Variants in GATA1 observed in about 807,000 individuals in gnomAD.
The protein encoded by GATA1 is erythroid transcription factor.
In GATA1, 2 loss-of-function variants were observed where a neutral mutation model predicts 18.9. That is an observed-to-expected ratio of 0.11 (90% CI 0.04 to 0.33). The LOEUF (loss-of-function observed/expected upper bound fraction) is 0.33. GATA1 is among the 10% of genes least tolerant of loss of function. The probability of loss-of-function intolerance (pLI) is 1.00; values close to 1 mark genes in which losing one functional copy is unlikely to be tolerated. For missense variants in GATA1, 272 were observed against 344.7 expected, an observed-to-expected ratio of 0.79 and a Z score of 1.67; for synonymous variants, 152 against 149.1, an observed-to-expected ratio of 1.02 and a Z score of -0.14.
intron 1 of GATA1, among the ~76,000 whole-genome samples, chrX:48,788,228 CAG>C (rs1557019492): frequency 2.8e-5 from 3 of 108,625 alleles, no homozygotes; most frequent in Middle Eastern, 4.7e-3. Flanking sequence ...GAGGGAGAAA[CAG>C]GGAGAGATGG....
rs1243943751 is a variant in GATA1 at position 48,788,885 on chromosome X, G to C, written c.-19-2206G>C. ...ACAGACAAACAAGCAGGAAGAGTGG[G>C]AGAGATGCAGAGATGTTCAGAGAGA... On this transcript the variant is annotated intron_variant, in intron 1 of 5. Transcript: ENST00000376670. 3.6e-5 allele frequency among the ~76,000 whole-genome samples: 4 copies of C among 111,298 alleles called. No homozygotes were observed. The East Asian group carries it at 8.5e-4, about 24-fold the overall frequency.
chrX:48,791,173 G>A lies in GATA1; in HGVS notation c.64G>A (p.Ala22Thr), dbSNP rs782188059. The change falls in exon 2 of 6, where the codon GCT (alanine) becomes ACT (threonine). Residue 22 changes from alanine (A) to threonine (T), a missense_variant. Ala to Thr is a moderately conservative substitution (Grantham distance 58). Transcript: ENST00000376670. ...SEPLPQFVDP[A>T]LVSSTPESGV... ...GCCCCTCCCCCAGTTTGTGGATCCT[G>A]CTCTGGTGTCCTCCACACCAGAATC... The A allele has an allele frequency of 5.8e-6, 7 of 1,208,535 alleles. No homozygotes were observed. The highest frequency in any genetic ancestry group is 2.2e-6 in the Non-Finnish European group (2 of 893,738).
At chrX:48,793,388 C>A in intron 5 of GATA1, 91 bp downstream of exon 5, 1 of 926,166 alleles carries the variant, frequency 1.1e-6, no homozygotes, top group Non-Finnish European at 1.5e-6. Context: ...CCTCTCTCTT[C>A]CCCCACAACC....
chrX:48,793,899 C>A lies in GATA1; in HGVS notation c.977C>A (p.Ala326Glu). The change falls in exon 6 of 6, where the codon GCA becomes GAA. Residue 326 changes from alanine (A) to glutamate (E), a missense_variant. Around this residue, in one of 3 missense-constraint regions of GATA1, gnomAD observed 83 missense variants for 84.2 expected, o/e 0.99. Transcript: ENST00000376670. ...GGCTCCAGTCTGGGAGGCACAGGAG[C>A]AGCCGAAGGACCAGCTGGTGGCTTT... ...KRGSSLGGTGAAEGPAGGFMV... is the reference protein window; with the variant it reads ...KRGSSLGGTGEAEGPAGGFMV... 8.3e-7 allele frequency: 1 copy of A among 1,207,070 alleles called. No homozygotes were observed. The highest frequency in any genetic ancestry group is 1.1e-6 in the Non-Finnish European group (1 of 892,865).
rs2062682851 is a variant in GATA1, at chrX:48,794,008, T to C, written c.1086T>C (p.His362=). Residue 362 remains histidine (H), a synonymous_variant, in exon 6 of 6, where the codon CAT becomes CAC. Transcript: ENST00000376670. ...GLTLGPPGTA[H]LYQGLGPVVL... ...CACTGGGCCCCCCAGGTACTGCCCA[T>C]CTCTACCAAGGCCTGGGCCCTGTGG... is the stretch of plus-strand genomic sequence containing the variant. 2.5e-6 allele frequency: 3 copies of C among 1,209,365 alleles called. No individual in the cohort carries two copies. The highest frequency in any genetic ancestry group is 3.4e-6 in the Non-Finnish European group (3 of 894,648).
chrX:48,793,399 C>T, intron 5 of GATA1, 102 bp downstream of exon 5: 1 of 840,677 alleles, frequency 1.2e-6, no homozygotes, highest in South Asian at 2.2e-5. Flanking sequence ...CCCCACAACC[C>T]TCTTTCCTCT....
At position 48,792,005 on chromosome X, in the gene GATA1, G is replaced by C. The variant is rs2147306384; in HGVS notation, c.382G>C (p.Gly128Arg). 2 of 1,211,994 alleles carry C rather than the reference G, an allele frequency of 1.7e-6. No individual in the cohort carries two copies. Among genetic ancestry groups the C allele is most frequent in the Non-Finnish European group, 2.2e-6 (2 of 895,529 alleles). Residue 128 changes from glycine to arginine, a missense_variant, in exon 3 of 6, where the codon GGC (glycine) becomes CGC (arginine). Gly to Arg is a moderately radical substitution (Grantham distance 125). Around this residue, in one of 3 missense-constraint regions of GATA1, gnomAD observed 147 missense variants for 157.4 expected, o/e 0.93. Transcript: ENST00000376670. The part of the protein sequence containing the change: ...PQAVEDLDGK[G>R]STSFLETLKT... ...GGCCGTGGAAGATCTGGATGGAAAA[G>C]GCAGCACCAGCTTCCTGGAGACTTT...
At chrX:48,791,070 G>C (rs1270599266) in intron 1 of GATA1, 21 bp from the exon 2 acceptor site, 1 of 1,086,827 alleles carries the variant, frequency 9.2e-7, no homozygotes, top group Non-Finnish European at 1.3e-6. Context: ...CTGTGTCTGA[G>C]GACCCCTTCT....
chrX:48,791,478 T>A, intron 2 of GATA1, 149 bp downstream of exon 2: 1 of 588,992 alleles, frequency 1.7e-6, no homozygotes, highest in Non-Finnish European at 2.8e-6. Flanking sequence ...TTTCCCTAGT[T>A]AAGTGCAGAC....
intron 1 of GATA1, among the ~76,000 whole-genome samples, chrX:48,789,690 A>G (rs1557019693): frequency 9.1e-6 from 1 of 109,565 alleles, no homozygotes; most frequent in African/African-American, 3.3e-5. Context: ...GGTGATTTCA[A>G]AAGTTGGGCG....
intron 3 of GATA1, 26 bp from the exon 4 acceptor site, chrX:48,792,297 C>T: frequency 8.3e-7 from 1 of 1,211,743 alleles, no homozygotes; most frequent in African/African-American, 1.7e-5. Flanking sequence ...GAGCCTAGCT[C>T]CCTCTTCTCC....
In GATA1 at chrX:48,791,465, C is replaced by A. The variant is rs191928344; in HGVS notation, c.220+136C>A. On this transcript the variant is annotated intron_variant, in intron 2 of 5. Coordinates refer to ENST00000376670, the MANE Select transcript of GATA1 (RefSeq NM_002049.4). ...AAGCTTCTCAAATGGATGTGCCGAC[C>A]ACTTTCCCTAGTTAAGTGCAGACCT... 50 of 623,710 alleles carry A rather than the reference C, an allele frequency of 8.0e-5. No individual in the cohort carries two copies. The Admixed American group carries it at 9.8e-4, about 12-fold the overall frequency. The allele number at this position is 623,710 out of a possible 1,213,427, so 51.4% of individuals were successfully genotyped here. A position where few individuals can be genotyped will look rare whatever the true frequency, so the allele number is the denominator to read the frequency against.
intron 1 of GATA1, 102 bp from the exon 2 acceptor site, chrX:48,790,989 A>C (rs1445561721): frequency 2.0e-6 from 1 of 509,287 alleles, no homozygotes; most frequent in Non-Finnish European, 3.3e-6. Flanking sequence ...ATGGAGACTG[A>C]GGTGATGGAG....
chrX:48,794,204 T>C lies in GATA1; in HGVS notation c.*40T>C, dbSNP rs1192434591. 2.5e-5 allele frequency: 30 copies of C among 1,191,844 alleles called. No homozygotes were observed. The East Asian group carries it at 5.1e-4, about 20-fold the overall frequency. ...GCCTCCAGAGGAGGGGTGGTGTCCT[T>C]CTCCTCTTGTAGCCAGAATTCTGGA... On this transcript the variant is annotated 3_prime_UTR_variant, in exon 6 of 6. Coordinates refer to ENST00000376670, the MANE Select transcript of GATA1 (RefSeq NM_002049.4).
chrX:48,794,299 C>A lies in GATA1; in HGVS notation c.*135C>A, dbSNP rs1557020708. On this transcript the variant is annotated 3_prime_UTR_variant, in exon 6 of 6. Transcript: ENST00000376670. Reference sequence around the variant, plus strand: ...CAAAGCTTTTGTAAAATAAAACCACCAAAGTCCTGAAATTGTGGGTGTGTC... The same window carrying A: ...CAAAGCTTTTGTAAAATAAAACCACAAAAGTCCTGAAATTGTGGGTGTGTC... 1.3e-6 allele frequency: 1 copy of A among 763,415 alleles called. No homozygotes were observed. The highest frequency in any genetic ancestry group is 1.9e-6 in the Non-Finnish European group (1 of 529,662). 62.9% of individuals were successfully genotyped at this position (763,415 alleles called of 1,213,427 possible).
intron 1 of GATA1, among the ~76,000 whole-genome samples, chrX:48,787,248 C>T (rs2062661141): frequency 1.8e-5 from 2 of 111,096 alleles, no homozygotes; most frequent in Admixed American, 1.9e-4. Flanking sequence ...CTCCCAACTC[C>T]CTGCCTGCTC....
rs1557020056 is a variant in GATA1 at position 48,791,285 on chromosome X, C to T, written c.176C>T (p.Ala59Val). 8.3e-7 allele frequency: 1 copy of T among 1,206,841 alleles called. No individual in the cohort carries two copies. The highest frequency in any genetic ancestry group is 1.1e-6 in the Non-Finnish European group (1 of 893,161). The change falls in exon 2 of 6, where the codon GCA becomes GTA. Residue 59 changes from alanine (A) to valine (V), a missense_variant. Ala to Val is a moderately conservative substitution (Grantham distance 64, BLOSUM62 0). This residue lies in a region of GATA1 where 147 missense variants were observed against 157.4 expected (regional missense o/e 0.93). Transcript: ENST00000376670. ...APSTATAAAA[A>V]LAYYRDAEAY... The stretch of plus-strand genomic sequence containing the variant: ...AGCACAGCCACCGCTGCAGCTGCGG[C>T]ACTGGCCTACTACAGGGACGCTGAG...
chrX:48,789,344 G>A lies in GATA1; in HGVS notation c.-19-1747G>A, dbSNP rs181230880. On this transcript the variant is annotated intron_variant, in intron 1 of 5. Coordinates refer to ENST00000376670, the MANE Select transcript of GATA1 (RefSeq NM_002049.4). ...AAAAGAAAAAGAAAAAGCACAGAAGGAGAAGACAAGCTATATCATAGAAAC... is the reference window on the plus strand; with the variant it reads ...AAAAGAAAAAGAAAAAGCACAGAAGAAGAAGACAAGCTATATCATAGAAAC... Among the ~76,000 whole-genome samples the A allele has an allele frequency of 3.9e-4, 43 of 110,885 alleles. No homozygotes were observed. In the East Asian group the frequency reaches 0.01, roughly 27 times the overall value.
At position 48,793,228 on chromosome X, in the gene GATA1, A is replaced by G. The variant is rs1557020441; in HGVS notation, c.801A>G (p.Thr267=). Residue 267 remains threonine (T), a synonymous_variant, in exon 5 of 6, where the codon ACA becomes ACG. Coordinates refer to ENST00000376670, the MANE Select transcript of GATA1 (RefSeq NM_002049.4). ...CCAACTGCCAGACGACCACCACGAC[A>G]CTGTGGCGGAGAAATGCCAGTGGGG... ...QCTNCQTTTT[T]LWRRNASGDP... 8.3e-7 allele frequency: 1 copy of G among 1,208,511 alleles called. No homozygotes were observed. The highest frequency in any genetic ancestry group is 1.1e-6 in the Non-Finnish European group (1 of 893,565).
Sources: allele counts gnomAD v4.1 joint callset (sites outside exome capture counted in the v4.1 genomes callset), GRCh38; gene constraint gnomAD v4.1.1; regional missense constraint gnomAD v4.1.1; transcripts MANE v1.5; gene names NCBI Gene and HGNC (gene_info 2026-07-23, HGNC 2026-07-21).